The following CHST9 variants were observed in gnomAD, a reference collection of about 807,000 sequenced individuals.
CHST9 encodes carbohydrate sulfotransferase 9, also known as GalNAc-4-sulfotransferase 2.
In CHST9, 41 loss-of-function variants were observed where a neutral mutation model predicts 44.4. The ratio of observed to expected loss-of-function variants is 0.92; its 90% CI spans 0.72 to 1.20. CHST9 has a LOEUF of 1.20. Among genes scored for constraint, CHST9 ranks in the 50% most tolerant of loss-of-function variants. The probability of loss-of-function intolerance (pLI) is 0.00; values close to 1 mark genes in which losing one functional copy is unlikely to be tolerated. For synonymous variants in CHST9, 171 were observed against 178.4 expected (o/e 0.96, Z 0.33); for missense variants, 504 against 516.5 (o/e 0.98, Z 0.23).
At chr18:27,072,366 C>T (rs1276208114) in intron 2 of CHST9, among the ~76,000 whole-genome samples, 3 of 151,932 alleles carry the variant, frequency 2.0e-5, no homozygotes, top group African/African-American at 4.8e-5. Flanking sequence ...TTGTCAGCAA[C>T]AATTTCATGA....
At chr18:26,944,222 C>A in intron 5 of CHST9, 107 bp downstream of exon 5, 1 of 826,252 alleles carries the variant, frequency 1.2e-6, no homozygotes, top group South Asian at 1.5e-5. Flanking sequence ...ATATATATTG[C>A]TCATAACTAA....
At chr18:27,136,699 C>T (rs1006295606) in intron 2 of CHST9, among the ~76,000 whole-genome samples, 3 of 152,088 alleles carry the variant, frequency 2.0e-5, no homozygotes, top group Non-Finnish European at 4.4e-5. Context: ...TATAACGCTT[C>T]CATTCTTGTC....
At chr18:27,183,488 G>A (rs2058929908) in intron 1 of CHST9, among the ~76,000 whole-genome samples, 1 of 152,104 alleles carries the variant, frequency 6.6e-6, no homozygotes, top group Admixed American at 6.5e-5. Context: ...ACATCTATAT[G>A]CAAGGTGCTC....
At chr18:27,071,036 G>C (rs1410598418) in intron 2 of CHST9, among the ~76,000 whole-genome samples, 1 of 152,126 alleles carries the variant, frequency 6.6e-6, no homozygotes, top group African/African-American at 2.4e-5. Flanking sequence ...CCACCTCCCT[G>C]TGGCCAGCCT....
intron 1 of CHST9, among the ~76,000 whole-genome samples, chr18:27,163,752 T>A (rs1381859576): frequency 1.3e-5 from 2 of 152,128 alleles, no homozygotes; most frequent in African/African-American, 4.8e-5. Flanking sequence ...CCCTGATCCC[T>A]TGCACTTCCC....
rs2055486575 is a variant in CHST9 at position 26,914,607 on chromosome 18, A to G, written c.*1652T>C. ...GTAAAAGGTTGGATTAGAAGGTTTA[A>G]TACTTTTGATCTCTCAGCCCATTGC... On this transcript the variant is annotated 3_prime_UTR_variant, in exon 6 of 6. Transcript: ENST00000618847. 3.9e-6 allele frequency: 1 copy of G among 256,358 alleles called. No individual in the cohort carries two copies. The highest frequency in any genetic ancestry group is 1.7e-4 in the South Asian group (1 of 5,804). 15.9% of individuals were successfully genotyped at this position (256,358 alleles called of 1,614,324 possible).
Position 27,084,139 on chromosome 18 carries a change from T to C in CHST9, c.122-35636A>G, listed in dbSNP as rs149496794. The stretch of plus-strand genomic sequence containing the variant: ...CTTGTGTCTCTGCCAGATTTTGGTA[T>C]CAGAATGATGCTGGCATCATATAAA... On this transcript the variant is annotated intron_variant, in intron 2 of 5. Coordinates refer to ENST00000618847, the MANE Select transcript of CHST9 (RefSeq NM_031422.6). 8.2e-4 allele frequency among the ~76,000 whole-genome samples: 125 copies of C among 152,002 alleles called. 2 individuals are homozygous for C. The East Asian group carries it at 0.021, about 25-fold the overall frequency.
chr18:26,917,422 C>G (rs1164482536), intron 5 of CHST9, 72 bp from the exon 6 acceptor site: 1 of 1,490,368 alleles, frequency 6.7e-7, no homozygotes, highest in African/African-American at 1.4e-5. Flanking sequence ...AGGAACTTCA[C>G]ATATTTGTTT....
In CHST9 at chr18:26,943,482, C is replaced by T. The variant is rs142607652; in HGVS notation, c.240+847G>A. Among the ~76,000 whole-genome samples, 18 of 152,012 alleles carry T rather than the reference C, an allele frequency of 1.2e-4. No homozygotes were observed. In the East Asian group the frequency reaches 3.5e-3, roughly 29 times the overall value. The stretch of plus-strand genomic sequence containing the variant: ...ACTGGTATAAGTGTAGATTTACCAC[C>T]CTTCTCTTTGGTAAGGGTAAGCTGT... On this transcript the variant is annotated intron_variant, in intron 5 of 5. Coordinates refer to ENST00000618847, the MANE Select transcript of CHST9 (RefSeq NM_031422.6).
intron 2 of CHST9, among the ~76,000 whole-genome samples, chr18:27,055,513 T>C (rs1003744386): frequency 4.6e-5 from 7 of 152,182 alleles, no homozygotes; most frequent in Admixed American, 2.0e-4. Context: ...ATAGTGCTAG[T>C]TGATTTGCAG....
intron 2 of CHST9, among the ~76,000 whole-genome samples, chr18:27,115,795 G>A (rs781463234): frequency 1.3e-5 from 2 of 152,322 alleles, no homozygotes; most frequent in East Asian, 1.9e-4. Context: ...TTACAGGTGT[G>A]AGCCACCATG....
At chr18:27,067,529 A>G (rs2057795113) in intron 2 of CHST9, among the ~76,000 whole-genome samples, 2 of 152,198 alleles carry the variant, frequency 1.3e-5, no homozygotes, top group African/African-American at 2.4e-5. Context: ...AATTCTGTCA[A>G]TTTTAATGGT....
chr18:26,980,706 G>A (rs542990889), intron 4 of CHST9, among the ~76,000 whole-genome samples: 1 of 152,124 alleles, frequency 6.6e-6, no homozygotes, highest in African/African-American at 2.4e-5. Flanking sequence ...TCCTATCAGT[G>A]CTAAATCTGT....
At chr18:27,166,909 C>G (rs2058795088) in intron 1 of CHST9, among the ~76,000 whole-genome samples, 1 of 152,134 alleles carries the variant, frequency 6.6e-6, no homozygotes, top group African/African-American at 2.4e-5. Context: ...AACATATGTA[C>G]TGAATTAGAC....
At chr18:26,962,236 C>T (rs144509580) in intron 4 of CHST9, among the ~76,000 whole-genome samples, 190 of 152,020 alleles carry the variant, frequency 1.2e-3, no homozygotes, top group Non-Finnish European at 2.2e-3. Context: ...CCTGGGGTTA[C>T]TATACTATCT....
At chr18:27,176,934 T>C (rs1438384291) in intron 1 of CHST9, among the ~76,000 whole-genome samples, 1 of 152,056 alleles carries the variant, frequency 6.6e-6, no homozygotes, top group Non-Finnish European at 1.5e-5. Flanking sequence ...TATTTATAGG[T>C]TGAAGTTACA....
chr18:27,093,888 T>G (rs1417000519), intron 2 of CHST9, among the ~76,000 whole-genome samples: 1 of 152,028 alleles, frequency 6.6e-6, no homozygotes, highest in Non-Finnish European at 1.5e-5. Flanking sequence ...TTCCTTTTTT[T>G]TTTTTCTTTT....
Position 26,913,989 on chromosome 18 carries a change from G to A in CHST9, c.*2270C>T, listed in dbSNP as rs994044909. The A allele has an allele frequency of 6.6e-6, 1 of 152,066 alleles. No homozygotes were observed. The highest frequency in any genetic ancestry group is 1.5e-5 in the Non-Finnish European group (1 of 68,020). 9.4% of individuals were successfully genotyped at this position (152,066 alleles called of 1,614,324 possible). ...GCTTTTGGAACTTGCAACTACACAG[G>A]GTGTCACTTGGCATCATAGAGCCCA... On this transcript the variant is annotated 3_prime_UTR_variant, in exon 6 of 6. Coordinates refer to ENST00000618847, the MANE Select transcript of CHST9 (RefSeq NM_031422.6).
Position 26,910,639 on chromosome 18 carries a change from T to G in CHST9, c.*5620A>C, listed in dbSNP as rs1326994275. On this transcript the variant is annotated 3_prime_UTR_variant, in exon 6 of 6. Transcript: ENST00000618847. ...GTTGGCAGCTAATTCAGATGTTAAA[T>G]AAAATGCACTGTCAGCCAAACCAAA... 6.6e-6 allele frequency: 1 copy of G among 152,194 alleles called. No homozygotes were observed. Among genetic ancestry groups the G allele is most frequent in the African/African-American group, 2.4e-5 (1 of 41,448 alleles). 9.4% of individuals were successfully genotyped at this position (152,194 alleles called of 1,614,324 possible).
Sources: allele counts gnomAD v4.1 joint callset (sites outside exome capture counted in the v4.1 genomes callset), GRCh38; gene constraint gnomAD v4.1.1; transcripts MANE v1.5; gene names NCBI Gene and HGNC (gene_info 2026-07-23, HGNC 2026-07-21).